HSPB8: variants seen among roughly 807,000 people sequenced by gnomAD.
HSPB8 encodes the protein heat shock protein family B (small) member 8, also known as heat shock protein beta-8.
HSPB8 carries 9 observed loss-of-function variants against 16.5 expected under a neutral mutation model. That is an observed-to-expected ratio of 0.55 (90% CI 0.33 to 0.95). The LOEUF is 0.95. Among genes scored for constraint, HSPB8 ranks in the 40% least tolerant of loss-of-function variants. The pLI is 0.03. For missense variants in HSPB8, 238 were observed against 251.2 expected, an observed-to-expected ratio of 0.95 and a Z score of 0.35; for synonymous variants, 99 against 94.8, an observed-to-expected ratio of 1.04 and a Z score of -0.26.
In HSPB8 at chr12:119,194,661, T is replaced by C. The variant is rs886049029; in HGVS notation, c.*803T>C. ...ATGGGCGGGACGTGTGTGTCATTAT[T>C]ATTTGAGTTATGCTGTTGTTTAGGG... On this transcript the variant is annotated 3_prime_UTR_variant, in exon 3 of 3. Transcript: ENST00000281938. The C allele has an allele frequency of 5.1e-5, 12 of 235,724 alleles. No homozygotes were observed. Among genetic ancestry groups the C allele is most frequent in the Non-Finnish European group, 8.7e-5 (11 of 126,742 alleles). The allele number at this position is 235,724 out of a possible 1,614,324, so 14.6% of individuals were successfully genotyped here.
At position 119,178,948 on chromosome 12, in the gene HSPB8, GCGC is replaced by G; in HGVS notation, c.-364_-362del. ...AAGGAGCCAGAAGAAGTTTCTAGGC[GCGC>G]GTGCCCTGGGTTTATTAAGCTCCTG... is the stretch of plus-strand genomic sequence containing the variant. On this transcript the variant is annotated 5_prime_UTR_variant, in exon 1 of 3. Transcript: ENST00000281938. 1 of 338,562 alleles carries G rather than the reference GCGC, an allele frequency of 3.0e-6. No homozygotes were observed. The highest frequency in any genetic ancestry group is 3.1e-5 in the South Asian group (1 of 32,358). 21.0% of individuals were successfully genotyped at this position (338,562 alleles called of 1,614,324 possible).
At chr12:119,192,096 A>G (rs1431101083) in intron 2 of HSPB8, among the ~76,000 whole-genome samples, 1 of 152,236 alleles carries the variant, frequency 6.6e-6, no homozygotes, top group Non-Finnish European at 1.5e-5. Context: ...ATGTCCTCAC[A>G]GTTTTAATAG....
intron 2 of HSPB8, among the ~76,000 whole-genome samples, chr12:119,187,760 CT>C (rs1954686085): frequency 6.6e-6 from 1 of 152,188 alleles, no homozygotes; most frequent in South Asian, 2.1e-4. Flanking sequence ...GGGAGGACCC[CT>C]GTCACCATCC....
At chr12:119,185,819 A>T (rs1213167527) in intron 1 of HSPB8, among the ~76,000 whole-genome samples, 1 of 152,134 alleles carries the variant, frequency 6.6e-6, no homozygotes. Context: ...CTTAAAGCAC[A>T]AAAAAAGCTA....
chr12:119,182,649 A>C (rs971351879), intron 1 of HSPB8, among the ~76,000 whole-genome samples: 7 of 152,080 alleles, frequency 4.6e-5, no homozygotes, highest in Admixed American at 2.0e-4. Context: ...AAAAAAAATA[A>C]AAAATAAAAA....
At position 119,179,267 on chromosome 12, in the gene HSPB8, TTCTGTCTC is replaced by T. The variant is rs769707671; in HGVS notation, c.-41_-34del. 1.9e-6 allele frequency: 3 copies of T among 1,603,710 alleles called. No individual in the cohort carries two copies. Among genetic ancestry groups the T allele is most frequent in the Non-Finnish European group, 2.6e-6 (3 of 1,173,476 alleles). On this transcript the variant is annotated 5_prime_UTR_variant, in exon 1 of 3. Coordinates refer to ENST00000281938, the MANE Select transcript of HSPB8 (RefSeq NM_014365.3). ...TTGTTGTGTGACCTTGGGCAGGTGGTTCTGTCTCTCTGAGCCTCTGTTTCTCTCTGAGC... is the reference window on the plus strand; with the variant it reads ...TTGTTGTGTGACCTTGGGCAGGTGGTTCTGAGCCTCTGTTTCTCTCTGAGC...
intron 2 of HSPB8, among the ~76,000 whole-genome samples, chr12:119,187,515 C>T (rs574034199): frequency 3.7e-4 from 56 of 152,090 alleles, no homozygotes; most frequent in African/African-American, 1.2e-3. Context: ...CCACCATGTC[C>T]GGCTAATTTT....
At chr12:119,189,587 C>T (rs1954699569) in intron 2 of HSPB8, among the ~76,000 whole-genome samples, 1 of 152,202 alleles carries the variant, frequency 6.6e-6, no homozygotes, top group Middle Eastern at 3.4e-3. Flanking sequence ...AAGCATGCAA[C>T]CTAGATCCCT....
intron 1 of HSPB8, chr12:119,186,716 T>G (rs1954678408): frequency 6.9e-6 from 2 of 287,984 alleles, no homozygotes; most frequent in South Asian, 3.1e-5. Context: ...GTACAACACA[T>G]GGAAGATTTG....
chr12:119,186,401 C>T (rs1376810869), intron 1 of HSPB8, among the ~76,000 whole-genome samples: 1 of 152,138 alleles, frequency 6.6e-6, no homozygotes, highest in African/African-American at 2.4e-5. Context: ...AGCAGAGAGG[C>T]ATCAGGACCT....
rs60310566 is a variant in HSPB8 at position 119,189,302 on chromosome 12, G to GGTGTGTGTGTGT, written c.431+2243_431+2254dup. On this transcript the variant is annotated intron_variant, in intron 2 of 2. Coordinates refer to ENST00000281938, the MANE Select transcript of HSPB8 (RefSeq NM_014365.3). ...GAAGTGAATTAATCATCTTAAAAGG[G>GGTGTGTGTGTGT]GTGTGTGTGTGTGTGTGTGTGTGTG... 3.7e-3 allele frequency among the ~76,000 whole-genome samples: 534 copies of GGTGTGTGTGTGT among 143,396 alleles called. 4 individuals are homozygous for GGTGTGTGTGTGT. The highest frequency in any genetic ancestry group is 4.4e-3 in the Non-Finnish European group (292 of 66,226). 94.1% of individuals were successfully genotyped at this position (143,396 alleles called of 152,430 possible).
chr12:119,191,942 A>C (rs900882335), intron 2 of HSPB8, among the ~76,000 whole-genome samples: 30 of 152,180 alleles, frequency 2.0e-4, no homozygotes, highest in African/African-American at 6.8e-4. Flanking sequence ...TAAGATGGGG[A>C]TAGCAATGGA....
intron 2 of HSPB8, among the ~76,000 whole-genome samples, chr12:119,191,371 A>G (rs1258291086): frequency 1.3e-5 from 2 of 152,126 alleles, no homozygotes; most frequent in Non-Finnish European, 2.9e-5. Context: ...CACATGGTTA[A>G]ACAGTCAGCC....
At chr12:119,193,261 T>TA (rs1273710237) in intron 2 of HSPB8, among the ~76,000 whole-genome samples, 5 of 152,218 alleles carry the variant, frequency 3.3e-5, no homozygotes, top group Non-Finnish European at 7.3e-5. Context: ...TGTTGCCTGT[T>TA]ATGATAACAC....
chr12:119,184,745 G>A (rs1954663356), intron 1 of HSPB8, among the ~76,000 whole-genome samples: 1 of 151,108 alleles, frequency 6.6e-6, no homozygotes, highest in Non-Finnish European at 1.5e-5. Context: ...GAAGTCATAG[G>A]GCGGCCTGGT....
In HSPB8 at chr12:119,194,192, A is replaced by G. The variant is rs1954730492; in HGVS notation, c.*334A>G. On this transcript the variant is annotated 3_prime_UTR_variant, in exon 3 of 3. Coordinates refer to ENST00000281938, the MANE Select transcript of HSPB8 (RefSeq NM_014365.3). ...GTTGTATCTTACTTGCAGTGAATGC[A>G]AGGGTTACTTTTCTCTGGGGACCTC... The G allele has an allele frequency of 2.6e-5, 9 of 347,792 alleles. No individual in the cohort carries two copies. The highest frequency in any genetic ancestry group is 2.3e-4 in the South Asian group (9 of 38,522). The allele number at this position is 347,792 out of a possible 1,614,324, so 21.5% of individuals were successfully genotyped here.
At position 119,194,566 on chromosome 12, in the gene HSPB8, T is replaced by C; in HGVS notation, c.*708T>C. On this transcript the variant is annotated 3_prime_UTR_variant, in exon 3 of 3. Transcript: ENST00000281938. ...CGGGATTTTTACAGAGGGAGCTGTC[T>C]CCAGACAGCTCCATCAGGAACCAAG... The C allele has an allele frequency of 6.2e-6, 1 of 162,320 alleles. No individual in the cohort carries two copies. The highest frequency in any genetic ancestry group is 1.8e-4 in the East Asian group (1 of 5,592). The allele number at this position is 162,320 out of a possible 1,614,324, so 10.1% of individuals were successfully genotyped here. A position where few individuals can be genotyped will look rare whatever the true frequency, so the allele number is the denominator to read the frequency against.
intron 1 of HSPB8, among the ~76,000 whole-genome samples, chr12:119,182,429 A>G (rs1366441311): frequency 6.6e-6 from 1 of 152,090 alleles, no homozygotes; most frequent in Non-Finnish European, 1.5e-5. Context: ...GCTTAAGGTC[A>G]GGAGTCTGAG....
intron 2 of HSPB8, 80 bp downstream of exon 2, chr12:119,187,168 C>A: frequency 1.8e-6 from 2 of 1,134,066 alleles, no homozygotes; most frequent in South Asian, 1.2e-5. Context: ...GGGGTCTCTC[C>A]CTCTTGGGCA....
Sources: gnomAD v4.1 joint callset for allele counts (sites outside exome capture counted in the v4.1 genomes callset) on GRCh38, gnomAD v4.1.1 for gene constraint, MANE v1.5 for transcripts, NCBI Gene and HGNC (gene_info 2026-07-23, HGNC 2026-07-21) for gene names.